TNPO3: variants seen among roughly 807,000 people sequenced by gnomAD.
TNPO3 encodes the protein transportin-3.
TNPO3 carries 65 observed loss-of-function variants against 122.8 expected under a neutral mutation model. The observed-to-expected ratio is 0.53, with a 90% CI of 0.43 to 0.65. The LOEUF (loss-of-function observed/expected upper bound fraction) is 0.65. Ranked by LOEUF, TNPO3 falls within the 30% of genes least tolerant of loss-of-function variation. The pLI is 0.00. For missense variants in TNPO3, 850 were observed against 1,136.7 expected, an observed-to-expected ratio of 0.75 and a Z score of 3.63; for synonymous variants, 372 against 411.2, an observed-to-expected ratio of 0.90 and a Z score of 1.15.
rs766859190 is a variant in TNPO3 at position 129,017,943 on chromosome 7, A to C, written c.321+14T>G. 1 of 1,613,366 alleles carries C rather than the reference A, an allele frequency of 6.2e-7. No homozygotes were observed. Among genetic ancestry groups the C allele is most frequent in the Non-Finnish European group, 8.5e-7 (1 of 1,179,400 alleles). ...GGCCATACAAATTTCTCTAATGAGA[A>C]GCACAGGATTTACCTGCGTTACAAT... On this transcript the variant is annotated intron_variant, in intron 2 of 22. Transcript: ENST00000265388.
At chr7:128,963,899 A>C (rs1275123629) in intron 21 of TNPO3, among the ~76,000 whole-genome samples, 1 of 152,260 alleles carries the variant, frequency 6.6e-6, no homozygotes, top group Non-Finnish European at 1.5e-5. Flanking sequence ...CACATAGTGC[A>C]GAAAGTTATG....
At chr7:128,980,108 C>T in intron 14 of TNPO3, 77 bp from the exon 15 acceptor site, 5 of 1,244,940 alleles carry the variant, frequency 4.0e-6, no homozygotes, top group Non-Finnish European at 5.9e-6. Flanking sequence ...TCCCTGCTTG[C>T]TTACTTAGTA....
chr7:129,013,375 C>T (rs1052974836), intron 4 of TNPO3, among the ~76,000 whole-genome samples: 1 of 149,174 alleles, frequency 6.7e-6, no homozygotes, highest in Admixed American at 6.7e-5. Flanking sequence ...GAAATATTTG[C>T]AAACTACCCA....
chr7:129,018,818 A>G (rs1446498246), intron 1 of TNPO3, among the ~76,000 whole-genome samples: 1 of 152,106 alleles, frequency 6.6e-6, no homozygotes, highest in East Asian at 1.9e-4. Context: ...TCCCAGGTTC[A>G]AGCAATTCTC....
At chr7:129,017,800 G>T (rs1387349364) in intron 2 of TNPO3, among the ~76,000 whole-genome samples, 157 bp downstream of exon 2, 1 of 152,148 alleles carries the variant, frequency 6.6e-6, no homozygotes, top group Non-Finnish European at 1.5e-5. Context: ...TAATACAAAA[G>T]ATTAACAATT....
intron 1 of TNPO3, among the ~76,000 whole-genome samples, chr7:129,040,899 GAAT>G (rs1335619479): frequency 2.0e-5 from 3 of 152,206 alleles, no homozygotes; most frequent in South Asian, 4.1e-4. Context: ...AGTTTTTTCA[GAAT>G]AATAACTAAA....
At chr7:129,010,908 ATAGAGAAGCTC>A (rs1803113821) in intron 4 of TNPO3, among the ~76,000 whole-genome samples, 3 of 147,816 alleles carry the variant, frequency 2.0e-5, no homozygotes, top group African/African-American at 7.5e-5. Context: ...GTTTGAGACC[ATAGAGAAGCTC>A]TATATCTACA....
intron 1 of TNPO3, 30 bp from the exon 2 acceptor site, chr7:129,018,187 A>G: frequency 1.2e-6 from 2 of 1,602,056 alleles, no homozygotes; most frequent in Non-Finnish European, 1.7e-6. Context: ...AGATGTCTTA[A>G]AGAAGACTAC....
At position 129,003,027 on chromosome 7, in the gene TNPO3, G is replaced by A. The variant is rs559483642; in HGVS notation, c.697-1793C>T. ...TGCACTCCAGCCCCGGCGACAGAGC[G>A]AGACTCCCTCTCAAAAAAAAAAAAA... On this transcript the variant is annotated intron_variant, in intron 5 of 22. Coordinates refer to ENST00000265388, the MANE Select transcript of TNPO3 (RefSeq NM_012470.4). Among the ~76,000 whole-genome samples the A allele has an allele frequency of 8.0e-5, 9 of 112,128 alleles. No individual in the cohort carries two copies. The East Asian group carries it at 1.9e-3, about 24-fold the overall frequency. The allele number at this position is 112,128 out of a possible 152,430, so 73.6% of individuals were successfully genotyped here. A position where few individuals can be genotyped will look rare whatever the true frequency, so the allele number is the denominator to read the frequency against.
chr7:128,969,844 G>C lies in TNPO3; in HGVS notation c.2598+304C>G, dbSNP rs560055674. Among the ~76,000 whole-genome samples the C allele has an allele frequency of 2.6e-5, 4 of 152,138 alleles. No individual in the cohort carries two copies. In the South Asian group the frequency reaches 8.3e-4, roughly 32 times the overall value. Reference sequence around the variant, plus strand: ...ACGTAACTAATATAACTGACATTTGGGCATCTCTCACAAGTGAACAAATTT... The same window carrying C: ...ACGTAACTAATATAACTGACATTTGCGCATCTCTCACAAGTGAACAAATTT... On this transcript the variant is annotated intron_variant, in intron 20 of 22. Transcript: ENST00000265388.
rs769415180 is a variant in TNPO3, at chr7:129,000,583, G to A, written c.873-16C>T. On this transcript the variant is annotated splice_polypyrimidine_tract_variant and intron_variant, in intron 6 of 22. Coordinates refer to ENST00000265388, the MANE Select transcript of TNPO3 (RefSeq NM_012470.4). ...ATTCAGAACTCTGTAGAAGACAGGG[G>A]AATGAGAACAATGAGTCAGAAATCT... is the stretch of plus-strand genomic sequence containing the variant. 1.9e-6 allele frequency: 3 copies of A among 1,608,216 alleles called. 1 individual carries two copies. The South Asian group carries it at 3.3e-5, about 18-fold the overall frequency.
Position 129,054,944 on chromosome 7 carries a change from C to G in TNPO3, c.-174G>C, listed in dbSNP as rs1158144994. ...AGGCTCTCCGTGGAAGTTGCCCCCT[C>G]GGAAACAGCTATTAGGTCGTATTCA... On this transcript the variant is annotated 5_prime_UTR_variant, in exon 1 of 23. Coordinates refer to ENST00000265388, the MANE Select transcript of TNPO3 (RefSeq NM_012470.4). 2 of 759,868 alleles carry G rather than the reference C, an allele frequency of 2.6e-6. No individual in the cohort carries two copies. The highest frequency in any genetic ancestry group is 2.7e-5 in the East Asian group (1 of 36,560). 47.1% of individuals were successfully genotyped at this position (759,868 alleles called of 1,614,324 possible).
At chr7:129,043,485 G>A (rs35188261) in intron 1 of TNPO3, among the ~76,000 whole-genome samples, 13,735 of 152,110 alleles carry the variant, frequency 0.09, 848 homozygotes, top group South Asian at 0.15. Flanking sequence ...GGGTCTTCCC[G>A]GATTCTTTGA....
intron 11 of TNPO3, among the ~76,000 whole-genome samples, chr7:128,988,094 C>T (rs1415940888): frequency 2.0e-5 from 3 of 152,136 alleles, no homozygotes; most frequent in African/African-American, 7.2e-5. Context: ...CCTGCCTCAG[C>T]CTCCCAACTA....
chr7:128,983,075 C>T (rs957756071), intron 13 of TNPO3, among the ~76,000 whole-genome samples: 6 of 152,164 alleles, frequency 3.9e-5, no homozygotes, highest in African/African-American at 9.7e-5. Flanking sequence ...CCCAGAGAAA[C>T]CTTAAAAACG....
intron 1 of TNPO3, among the ~76,000 whole-genome samples, chr7:129,053,474 G>A (rs1165725558): frequency 1.5e-5 from 2 of 134,500 alleles, no homozygotes; most frequent in East Asian, 4.3e-4. Context: ...CAGCCTGGGC[G>A]ACAAAGCGAG....
chr7:129,013,413 T>C (rs189592898), intron 4 of TNPO3, among the ~76,000 whole-genome samples: 3 of 119,858 alleles, frequency 2.5e-5, no homozygotes, highest in Non-Finnish European at 5.5e-5. Flanking sequence ...AACCACAATA[T>C]ATAAGAAACC....
chr7:129,003,318 T>TA (rs1802206874), intron 5 of TNPO3, among the ~76,000 whole-genome samples: 1 of 146,350 alleles, frequency 6.8e-6, no homozygotes, highest in Non-Finnish European at 1.5e-5. Context: ...TTTTTTTTTT[T>TA]AAGAGCTGTT....
chr7:129,007,616 A>G (rs565699680), intron 4 of TNPO3, among the ~76,000 whole-genome samples: 1 of 152,360 alleles, frequency 6.6e-6, no homozygotes, highest in African/African-American at 2.4e-5. Flanking sequence ...GTAATGAATA[A>G]CATCAGAACT....
Sources: gnomAD v4.1 joint callset for allele counts (sites outside exome capture counted in the v4.1 genomes callset) on GRCh38, gnomAD v4.1.1 for gene constraint, MANE v1.5 for transcripts, NCBI Gene and HGNC (gene_info 2026-07-23, HGNC 2026-07-21) for gene names.